The following RSPH1 variants were observed in gnomAD, a reference collection of about 807,000 sequenced individuals.
RSPH1 encodes the protein radial spoke head 1 homolog.
In RSPH1, 32 loss-of-function variants were observed where a neutral mutation model predicts 44.2. The observed-to-expected ratio is 0.72, with a 90% CI of 0.55 to 0.97. The LOEUF is 0.97. Among genes scored for constraint, RSPH1 ranks in the 50% least tolerant of loss-of-function variants. RSPH1 has a pLI of 0.00. For synonymous variants in RSPH1, 134 were observed against 147.3 expected (o/e 0.91, Z 0.65); for missense variants, 391 against 398.7 (o/e 0.98, Z 0.16).
intron 6 of RSPH1, among the ~76,000 whole-genome samples, chr21:42,478,410 T>C (rs765077667): frequency 2.1e-4 from 32 of 152,338 alleles, no homozygotes; most frequent in Middle Eastern, 3.4e-3. Context: ...TAGATCAGAA[T>C]CACCCAGAAA....
At chr21:42,485,834 C>A (rs747135015) in intron 4 of RSPH1, 30 bp from the exon 5 acceptor site, 1 of 1,612,816 alleles carries the variant, frequency 6.2e-7, no homozygotes, top group African/African-American at 1.3e-5. Context: ...CATGGTATTT[C>A]GTTCCAGCAC....
Position 42,472,718 on chromosome 21 carries a change from C to T in RSPH1, c.*100G>A, listed in dbSNP as rs907752686. On this transcript the variant is annotated 3_prime_UTR_variant, in exon 9 of 9. Transcript: ENST00000291536. ...TTCTGGACTCAAGCAATCCTCCTGC[C>T]TCAGCCTCTCAAGTAGCTGGAACTA... is the stretch of plus-strand genomic sequence containing the variant. 2.9e-5 allele frequency: 26 copies of T among 887,520 alleles called. No individual in the cohort carries two copies. The South Asian group carries it at 4.1e-4, about 14-fold the overall frequency. 55.0% of individuals were successfully genotyped at this position (887,520 alleles called of 1,614,324 possible).
chr21:42,487,886 A>G (rs1005079409), intron 3 of RSPH1, among the ~76,000 whole-genome samples: 5 of 152,242 alleles, frequency 3.3e-5, no homozygotes, highest in African/African-American at 7.2e-5. Context: ...CTCAGCACCT[A>G]CAATGTCCTG....
At chr21:42,492,895 T>C (rs995670583) in intron 2 of RSPH1, 32 bp from the exon 3 acceptor site, 8 of 1,571,276 alleles carry the variant, frequency 5.1e-6, no homozygotes, top group Non-Finnish European at 5.3e-6. Context: ...ATTCATATCA[T>C]TGCTGAATGT....
intron 5 of RSPH1, 57 bp downstream of exon 5, chr21:42,485,612 C>A (rs2054171365): frequency 5.6e-6 from 9 of 1,603,232 alleles, no homozygotes; most frequent in Middle Eastern, 1.7e-4. Flanking sequence ...TTTGCACAGG[C>A]TGCCAGAGGG....
At chr21:42,488,398 A>G (rs2054201148) in intron 3 of RSPH1, among the ~76,000 whole-genome samples, 1 of 152,126 alleles carries the variant, frequency 6.6e-6, no homozygotes. Context: ...GATGCACAGA[A>G]TGGGTTTTTG....
At chr21:42,495,357 A>T (rs1258678547) in intron 1 of RSPH1, among the ~76,000 whole-genome samples, 1 of 152,098 alleles carries the variant, frequency 6.6e-6, no homozygotes, top group Non-Finnish European at 1.5e-5. Context: ...CAGAGTCGCT[A>T]GATTTTTCAG....
At chr21:42,477,052 A>C (rs1601624772) in intron 7 of RSPH1, among the ~76,000 whole-genome samples, 1 of 116,454 alleles carries the variant, frequency 8.6e-6, no homozygotes, top group African/African-American at 3.4e-5. Flanking sequence ...GGTGCCCCAC[A>C]CCCTCTGCCC....
intron 8 of RSPH1, 60 bp downstream of exon 8, chr21:42,475,838 C>T: frequency 1.3e-6 from 2 of 1,576,056 alleles, no homozygotes; most frequent in Non-Finnish European, 1.7e-6. Context: ...AAGGGGAATC[C>T]CACTGTTCGT....
chr21:42,487,151 G>C (rs1042463456), intron 3 of RSPH1, among the ~76,000 whole-genome samples: 2 of 152,124 alleles, frequency 1.3e-5, no homozygotes, highest in African/African-American at 4.8e-5. Flanking sequence ...GGCTTGGTAG[G>C]CAGTACTGAA....
chr21:42,483,230 G>T (rs2054147283), intron 5 of RSPH1, among the ~76,000 whole-genome samples: 1 of 150,652 alleles, frequency 6.6e-6, no homozygotes, highest in Non-Finnish European at 1.5e-5. Flanking sequence ...TGGTATTTGG[G>T]ATACTGATTT....
rs62215893 is a variant in RSPH1 at position 42,477,000 on chromosome 21, C to T, written c.727+291G>A. On this transcript the variant is annotated intron_variant, in intron 7 of 8. Coordinates refer to ENST00000291536, the MANE Select transcript of RSPH1 (RefSeq NM_080860.4). ...GGGATGCCCCACACCCTCTGTCCCA[C>T]AGCCCGGGGGATGCCCCACACCCTC... Among the ~76,000 whole-genome samples the T allele has an allele frequency of 0.098, 3,112 of 31,746 alleles. 325 individuals carry two copies. Among genetic ancestry groups the T allele is most frequent in the Admixed American group, 0.2 (549 of 2,798 alleles). The allele number at this position is 31,746 out of a possible 152,430, so 20.8% of individuals were successfully genotyped here. A position where few individuals can be genotyped will look rare whatever the true frequency, so the allele number is the denominator to read the frequency against.
At chr21:42,477,510 T>C in intron 6 of RSPH1, 66 bp from the exon 7 acceptor site, 4 of 1,548,502 alleles carry the variant, frequency 2.6e-6, no homozygotes, top group Non-Finnish European at 3.6e-6. Context: ...ATATTAAAAG[T>C]GAGGGAGGAA....
At chr21:42,492,110 T>A (rs1227053505) in intron 3 of RSPH1, among the ~76,000 whole-genome samples, 1 of 152,234 alleles carries the variant, frequency 6.6e-6, no homozygotes, top group East Asian at 1.9e-4. Context: ...TTATATACAC[T>A]TTCTGAAGAC....
chr21:42,487,328 T>A (rs1018725657), intron 3 of RSPH1, among the ~76,000 whole-genome samples: 6 of 152,238 alleles, frequency 3.9e-5, no homozygotes, highest in African/African-American at 1.4e-4. Context: ...CAAAGGTGAC[T>A]GCTCTTAAAA....
intron 3 of RSPH1, 98 bp from the exon 4 acceptor site, chr21:42,486,559 TTG>T: frequency 1.1e-6 from 1 of 883,660 alleles, no homozygotes; most frequent in Admixed American, 1.8e-5. Flanking sequence ...GGCAGATGTG[TTG>T]TGAAGCAAAT....
At chr21:42,495,680 T>C (rs1194044432) in intron 1 of RSPH1, among the ~76,000 whole-genome samples, 1 of 152,198 alleles carries the variant, frequency 6.6e-6, no homozygotes, top group Non-Finnish European at 1.5e-5. Context: ...CTCCTCAGCA[T>C]TTCTTGGAGG....
intron 3 of RSPH1, among the ~76,000 whole-genome samples, chr21:42,487,199 A>G (rs2054188876): frequency 6.6e-6 from 1 of 152,208 alleles, no homozygotes; most frequent in Admixed American, 6.5e-5. Flanking sequence ...ATACCACTCC[A>G]TGATGTGGAC....
At chr21:42,479,747 A>ACT (rs1479339454) in intron 6 of RSPH1, among the ~76,000 whole-genome samples, 2 of 151,848 alleles carry the variant, frequency 1.3e-5, no homozygotes, top group Admixed American at 6.6e-5. Flanking sequence ...ACACACACAC[A>ACT]CACACACACA....
Sources: gnomAD v4.1 joint callset for allele counts (sites outside exome capture counted in the v4.1 genomes callset) on GRCh38, gnomAD v4.1.1 for gene constraint, MANE v1.5 for transcripts, NCBI Gene and HGNC (gene_info 2026-07-23, HGNC 2026-07-21) for gene names.